Variants in NET1 observed in about 807,000 individuals in gnomAD.
NET1 encodes neuroepithelial cell-transforming gene 1 protein.
A neutral mutation model predicts 61.1 loss-of-function variants in NET1; 42 were observed. That is an observed-to-expected ratio of 0.69 (90% CI 0.54 to 0.89). The LOEUF (loss-of-function observed/expected upper bound fraction) is 0.89, where lower values mean the gene tolerates loss of function less well. NET1 is among the 40% of genes least tolerant of loss of function. The pLI, the probability that NET1 is intolerant of heterozygous loss-of-function variation, is 0.00. For missense variants in NET1, 654 were observed against 747.3 expected, an observed-to-expected ratio of 0.88 and a Z score of 1.46; for synonymous variants, 254 against 281.8, an observed-to-expected ratio of 0.90 and a Z score of 0.99.
rs143863636 is a variant in NET1 at position 5,444,653 on chromosome 10, C to T, written c.256-7177C>T. Among the ~76,000 whole-genome samples the T allele has an allele frequency of 1.5e-4, 23 of 152,212 alleles. No homozygotes were observed. In the East Asian group the frequency reaches 3.7e-3, roughly 24 times the overall value. ...CAGAATTTTCCTTCCCTTGGCTTTC[C>T]TCCAAAGTTAGATCCTTGGACCATG... is the stretch of plus-strand genomic sequence containing the variant. On this transcript the variant is annotated intron_variant, in intron 3 of 11. Transcript: ENST00000355029. This position sits in a 1 kb window ranked among gnomAD's most constrained non-coding sequence, Gnocchi z 5.3.
rs1192053731 is a variant in NET1, at chr10:5,458,910, T to C, written c.*1916T>C. On this transcript the variant is annotated 3_prime_UTR_variant, in exon 12 of 12. Transcript: ENST00000355029. This position sits in a 1 kb window ranked among gnomAD's most constrained non-coding sequence, Gnocchi z 4.5. ...TATTCCAGAGTTACCTTGATCAGCT[T>C]CTGAAGTTTAAGAAGCAAGTAATAG... Among the ~76,000 whole-genome samples the C allele has an allele frequency of 2.0e-5, 3 of 152,216 alleles. No individual in the cohort carries two copies. Among genetic ancestry groups the C allele is most frequent in the African/African-American group, 4.8e-5 (2 of 41,458 alleles).
rs901689506 is a variant in NET1 at position 5,427,160 on chromosome 10, CTA to C, written c.195+441_195+442del. On this transcript the variant is annotated intron_variant, in intron 2 of 11. Coordinates refer to ENST00000355029, the MANE Select transcript of NET1 (RefSeq NM_001047160.3). This position sits in a 1 kb window ranked among gnomAD's most constrained non-coding sequence, Gnocchi z 4.1. ...TTAATCATCTCAGCATAGAGGGACT[CTA>C]TTATTTTTATAGCAGGACTTTACAG... is the stretch of plus-strand genomic sequence containing the variant. Among the ~76,000 whole-genome samples, 17 of 151,954 alleles carry C rather than the reference CTA, an allele frequency of 1.1e-4. No individual in the cohort carries two copies. The highest frequency in any genetic ancestry group is 2.6e-4 in the Admixed American group (4 of 15,270).
rs775142358 is a variant in NET1, at chr10:5,453,481, C to T, written c.692-3C>T. On this transcript the variant is annotated splice_polypyrimidine_tract_variant and splice_region_variant and intron_variant, in intron 7 of 11. Coordinates refer to ENST00000355029, the MANE Select transcript of NET1 (RefSeq NM_001047160.3). This position sits in a 1 kb window ranked among gnomAD's most constrained non-coding sequence, Gnocchi z 4.9. ...TGGTGTTTATGCTTTTTTATCACTTCAGATTTGTTGACAAGAATAGGAGAA... is the reference window on the plus strand; with the variant it reads ...TGGTGTTTATGCTTTTTTATCACTTTAGATTTGTTGACAAGAATAGGAGAA... The T allele has an allele frequency of 2.6e-5, 42 of 1,613,886 alleles. No individual in the cohort carries two copies. The Admixed American group carries it at 6.5e-4, about 25-fold the overall frequency.
At position 5,421,468 on chromosome 10, in the gene NET1, A is replaced by G. The variant is rs1298954845; in HGVS notation, c.129-5187A>G. On this transcript the variant is annotated intron_variant, in intron 1 of 11. Transcript: ENST00000355029. The surrounding 1 kb of genome is among the most constrained non-coding windows in gnomAD (Gnocchi z 4.2). Reference sequence around the variant, plus strand: ...TCTTTGAATTTTGTTTTTCCAGTAAAATTAATTGATGGATTTGTACAGTGG... The same window carrying G: ...TCTTTGAATTTTGTTTTTCCAGTAAGATTAATTGATGGATTTGTACAGTGG... Among the ~76,000 whole-genome samples the G allele has an allele frequency of 6.6e-6, 1 of 152,166 alleles. No individual in the cohort carries two copies. Among genetic ancestry groups the G allele is most frequent in the Non-Finnish European group, 1.5e-5 (1 of 68,030 alleles).
chr10:5,421,481 A>G lies in NET1; in HGVS notation c.129-5174A>G, dbSNP rs1832173402. On this transcript the variant is annotated intron_variant, in intron 1 of 11. Coordinates refer to ENST00000355029, the MANE Select transcript of NET1 (RefSeq NM_001047160.3). The surrounding 1 kb of genome is among the most constrained non-coding windows in gnomAD (Gnocchi z 4.2). ...TTTTTCCAGTAAAATTAATTGATGG[A>G]TTTGTACAGTGGATATCCAGTTAAA... 6.6e-6 allele frequency among the ~76,000 whole-genome samples: 1 copy of G among 152,168 alleles called. No individual in the cohort carries two copies. Among genetic ancestry groups the G allele is most frequent in the Non-Finnish European group, 1.5e-5 (1 of 68,028 alleles).
chr10:5,433,748 GTATT>G (rs1027857214), intron 3 of NET1, among the ~76,000 whole-genome samples: 5 of 151,360 alleles, frequency 3.3e-5, no homozygotes, highest in Admixed American at 6.6e-5. Context: ...ATACCTTTTG[GTATT>G]TATTGTATTT....
chr10:5,453,510 A>G lies in NET1; in HGVS notation c.718A>G (p.Thr240Ala), dbSNP rs372145323. ...TTTGTTGACAAGAATAGGAGAAGCA[A>G]CCAAGCCTGATGGAACAGTGGAGCA... Reference protein sequence around the residue: ...EDLLTRIGEATKPDGTVEQIG... With the variant: ...EDLLTRIGEAAKPDGTVEQIG... The change falls in exon 8 of 12, where the codon ACC (threonine) becomes GCC (alanine). Residue 240 changes from threonine to alanine, a missense_variant. Coordinates refer to ENST00000355029, the MANE Select transcript of NET1 (RefSeq NM_001047160.3). The surrounding 1 kb of genome is among the most constrained non-coding windows in gnomAD (Gnocchi z 4.9). 1.9e-6 allele frequency: 3 copies of G among 1,614,058 alleles called. No homozygotes were observed. The African/African-American group carries it at 4.0e-5, about 22-fold the overall frequency.
In NET1 at chr10:5,439,913, A is replaced by C. The variant is rs953881898; in HGVS notation, c.255+10684A>C. On this transcript the variant is annotated intron_variant, in intron 3 of 11. Coordinates refer to ENST00000355029, the MANE Select transcript of NET1 (RefSeq NM_001047160.3). The surrounding 1 kb of genome is among the most constrained non-coding windows in gnomAD (Gnocchi z 4.8). ...TCAAAACTATCACAGCAACATTCCC[A>C]AATATAGCAGATACTGCCTCCAAAA... Among the ~76,000 whole-genome samples, 1 of 152,166 alleles carries C rather than the reference A, an allele frequency of 6.6e-6. No individual in the cohort carries two copies. Among genetic ancestry groups the C allele is most frequent in the South Asian group, 2.1e-4 (1 of 4,828 alleles).
chr10:5,453,805 C>T lies in NET1; in HGVS notation c.768+245C>T, dbSNP rs1285548506. On this transcript the variant is annotated intron_variant, in intron 8 of 11. Transcript: ENST00000355029. The surrounding 1 kb of genome is among the most constrained non-coding windows in gnomAD (Gnocchi z 4.9). Reference sequence around the variant, plus strand: ...CGTTCCTGCTTGGATAGAATTCCCACATCATGTGTGATTATCCGTTGCATT... The same window carrying T: ...CGTTCCTGCTTGGATAGAATTCCCATATCATGTGTGATTATCCGTTGCATT... Among the ~76,000 whole-genome samples the T allele has an allele frequency of 6.6e-6, 1 of 152,036 alleles. No homozygotes were observed. The highest frequency in any genetic ancestry group is 1.5e-5 in the Non-Finnish European group (1 of 68,034).
Position 5,457,175 on chromosome 10 carries a change from T to C in NET1, c.*181T>C. 2.3e-6 allele frequency: 1 copy of C among 441,578 alleles called. No homozygotes were observed. Among genetic ancestry groups the C allele is most frequent in the East Asian group, 3.6e-5 (1 of 27,826 alleles). 27.4% of individuals were successfully genotyped at this position (441,578 alleles called of 1,614,324 possible). On this transcript the variant is annotated 3_prime_UTR_variant, in exon 12 of 12. Transcript: ENST00000355029. This position sits in a 1 kb window ranked among gnomAD's most constrained non-coding sequence, Gnocchi z 5.4. ...TAAAGATATACAGATTACTGTTAAATTGCAGTCCTTTTTTTTTTAAAGATA... is the reference window on the plus strand; with the variant it reads ...TAAAGATATACAGATTACTGTTAAACTGCAGTCCTTTTTTTTTTAAAGATA...
At position 5,451,085 on chromosome 10, in the gene NET1, G is replaced by A. The variant is rs1197634657; in HGVS notation, c.256-745G>A. On this transcript the variant is annotated intron_variant, in intron 3 of 11. Transcript: ENST00000355029. This position sits in a 1 kb window ranked among gnomAD's most constrained non-coding sequence, Gnocchi z 6.1. ...GAGTATGTGCCAGGCACTGTTTCAAGCCATATTATTCATTTAATCTTCACA... is the reference window on the plus strand; with the variant it reads ...GAGTATGTGCCAGGCACTGTTTCAAACCATATTATTCATTTAATCTTCACA... 6.6e-6 allele frequency among the ~76,000 whole-genome samples: 1 copy of A among 152,144 alleles called. No homozygotes were observed. The highest frequency in any genetic ancestry group is 2.4e-5 in the African/African-American group (1 of 41,426).
At chr10:5,450,159 C>G (rs1006604067) in intron 3 of NET1, among the ~76,000 whole-genome samples, 2 of 152,166 alleles carry the variant, frequency 1.3e-5, no homozygotes, top group African/African-American at 4.8e-5. Flanking sequence ...GCGAAGGTTT[C>G]TTTTGCAGTT....
Position 5,458,972 on chromosome 10 carries a change from AC to A in NET1, c.*1980del, listed in dbSNP as rs1832855916. ...TTAATGGAATTATGTTTTATTTAAA[AC>A]CGTATCTTCTTTTGGTTCCCTCAAA... On this transcript the variant is annotated 3_prime_UTR_variant, in exon 12 of 12. Transcript: ENST00000355029. The surrounding 1 kb of genome is among the most constrained non-coding windows in gnomAD (Gnocchi z 4.5). Among the ~76,000 whole-genome samples, 1 of 152,130 alleles carries A rather than the reference AC, an allele frequency of 6.6e-6. No individual in the cohort carries two copies. The highest frequency in any genetic ancestry group is 1.5e-5 in the Non-Finnish European group (1 of 68,020).
In NET1 at chr10:5,427,844, T is replaced by G. The variant is rs984510740; in HGVS notation, c.195+1123T>G. On this transcript the variant is annotated intron_variant, in intron 2 of 11. Transcript: ENST00000355029. The surrounding 1 kb of genome is among the most constrained non-coding windows in gnomAD (Gnocchi z 4.1). ...TGTTTTCTTTTTTCATAGAATGATA[T>G]TGTGTAGAATTTGACTTTGAGAATT... Among the ~76,000 whole-genome samples, 2 of 152,214 alleles carry G rather than the reference T, an allele frequency of 1.3e-5. No homozygotes were observed. The highest frequency in any genetic ancestry group is 2.9e-5 in the Non-Finnish European group (2 of 68,034).
chr10:5,454,964 G>A lies in NET1; in HGVS notation c.1043G>A (p.Gly348Glu), dbSNP rs780419709. 1.9e-6 allele frequency: 3 copies of A among 1,613,992 alleles called. No homozygotes were observed. Among genetic ancestry groups the A allele is most frequent in the East Asian group, 4.5e-5 (2 of 44,882 alleles). The change falls in exon 10 of 12, where the codon GGA (glycine) becomes GAA (glutamate). Residue 348 changes from glycine to glutamate, a missense_variant. By Grantham distance (98) the Gly-to-Glu change is moderately conservative. Coordinates refer to ENST00000355029, the MANE Select transcript of NET1 (RefSeq NM_001047160.3). The surrounding 1 kb of genome is among the most constrained non-coding windows in gnomAD (Gnocchi z 8.1). Reference sequence around the variant, plus strand: ...CATTTTCAGATATTGATAATACAGGGAGTCCTCTCTGATATCAACTTGAAG... The same window carrying A: ...CATTTTCAGATATTGATAATACAGGAAGTCCTCTCTGATATCAACTTGAAG... Reference protein sequence around the residue: ...LLEDAILIIQGVLSDINLKKG... With the variant: ...LLEDAILIIQEVLSDINLKKG...
Position 5,435,162 on chromosome 10 carries a change from C to T in NET1, c.255+5933C>T, listed in dbSNP as rs1412932096. ...CTTGTGTAGCAGGAGAAGTGTGCTA[C>T]GGGACCTATTCCAGACCAATTCCAT... On this transcript the variant is annotated intron_variant, in intron 3 of 11. Transcript: ENST00000355029. This position sits in a 1 kb window ranked among gnomAD's most constrained non-coding sequence, Gnocchi z 5.0. Among the ~76,000 whole-genome samples the T allele has an allele frequency of 2.6e-5, 4 of 152,192 alleles. No homozygotes were observed. The highest frequency in any genetic ancestry group is 7.2e-5 in the African/African-American group (3 of 41,520).
rs1832022532 is a variant in NET1 at position 5,412,936 on chromosome 10, G to A, written c.128+116G>A. 3.1e-6 allele frequency: 3 copies of A among 970,472 alleles called. No individual in the cohort carries two copies. In the South Asian group the frequency reaches 1.4e-4, roughly 45 times the overall value. 60.1% of individuals were successfully genotyped at this position (970,472 alleles called of 1,614,324 possible). ...GGGGGGAGGGGAGGGCTGGCCGGGA[G>A]TTGGATGTGGGGGGCGGCGAGTGGG... On this transcript the variant is annotated intron_variant, in intron 1 of 11. Transcript: ENST00000355029. This position sits in a 1 kb window ranked among gnomAD's most constrained non-coding sequence, Gnocchi z 6.5.
rs1293461538 is a variant in NET1 at position 5,412,593 on chromosome 10, C to T, written c.-100C>T. 7.6e-7 allele frequency: 1 copy of T among 1,312,618 alleles called. No homozygotes were observed. 81.3% of individuals were successfully genotyped at this position (1,312,618 alleles called of 1,614,324 possible). On this transcript the variant is annotated 5_prime_UTR_variant, in exon 1 of 12. Transcript: ENST00000355029. The surrounding 1 kb of genome is among the most constrained non-coding windows in gnomAD (Gnocchi z 6.5). ...TGACGGCGGTGGCGGCTGCAGTCCG[C>T]TGACAGGCGCTTTCTGCCTGGCAGA... is the stretch of plus-strand genomic sequence containing the variant.
rs565574901 is a variant in NET1 at position 5,415,914 on chromosome 10, T to C, written c.128+3094T>C. On this transcript the variant is annotated intron_variant, in intron 1 of 11. Transcript: ENST00000355029. The surrounding 1 kb of genome is among the most constrained non-coding windows in gnomAD (Gnocchi z 4.7). Reference sequence around the variant, plus strand: ...GTTTTAGTTTGTAGTCCTACTTGTCTATTTTTGCTTTTGTTGCCTGTGTTT... The same window carrying C: ...GTTTTAGTTTGTAGTCCTACTTGTCCATTTTTGCTTTTGTTGCCTGTGTTT... 1.3e-4 allele frequency among the ~76,000 whole-genome samples: 20 copies of C among 152,358 alleles called. No individual in the cohort carries two copies. The highest frequency in any genetic ancestry group is 4.1e-4 in the African/African-American group (17 of 41,584).
Sources: allele counts gnomAD v4.1 joint callset (sites outside exome capture counted in the v4.1 genomes callset), GRCh38; gene constraint gnomAD v4.1.1; non-coding constraint Gnocchi (gnomAD v3.1); transcripts MANE v1.5; gene names NCBI Gene and HGNC (gene_info 2026-07-23, HGNC 2026-07-21).